The following COG5 variants were observed in gnomAD, a reference collection of about 807,000 sequenced individuals.
COG5 encodes the protein conserved oligomeric Golgi complex subunit 5.
COG5 carries 86 observed loss-of-function variants against 110.4 expected under a neutral mutation model. The observed-to-expected ratio is 0.78, with a 90% CI of 0.65 to 0.93. The LOEUF (loss-of-function observed/expected upper bound fraction) is 0.93, where lower values mean the gene tolerates loss of function less well. Ranked by LOEUF, COG5 falls within the 40% of genes least tolerant of loss-of-function variation. COG5 has a pLI of 0.00. For synonymous variants in COG5, 360 were observed against 334.6 expected, an observed-to-expected ratio of 1.08 and a Z score of -0.83; for missense variants, 1,077 against 987.0, an observed-to-expected ratio of 1.09 and a Z score of -1.22.
At chr7:107,244,208 C>T (rs568203004) in intron 17 of COG5, among the ~76,000 whole-genome samples, 8 of 152,172 alleles carry the variant, frequency 5.3e-5, no homozygotes, top group South Asian at 2.1e-4. Flanking sequence ...GCCAAGATCA[C>T]GCCACTGCAC....
chr7:107,356,069 TA>T (rs1486037060), intron 10 of COG5, among the ~76,000 whole-genome samples: 2 of 152,196 alleles, frequency 1.3e-5, no homozygotes, highest in African/African-American at 4.8e-5. Context: ...AAATCAAAAT[TA>T]ATTTTAAAAC....
At chr7:107,461,387 T>A (rs1795981942) in intron 6 of COG5, among the ~76,000 whole-genome samples, 1 of 152,052 alleles carries the variant, frequency 6.6e-6, no homozygotes, top group African/African-American at 2.4e-5. Flanking sequence ...TAATATGCAT[T>A]CCTGATAAAA....
At chr7:107,312,644 A>G (rs1808374913) in intron 11 of COG5, among the ~76,000 whole-genome samples, 1 of 152,210 alleles carries the variant, frequency 6.6e-6, no homozygotes. Context: ...TCAACAATTC[A>G]GGCTTAAGTA....
intron 6 of COG5, among the ~76,000 whole-genome samples, chr7:107,434,591 ATAAAT>A (rs1379863565): frequency 2.6e-5 from 4 of 152,218 alleles, no homozygotes; most frequent in Admixed American, 6.5e-5. Flanking sequence ...GAAATAAAAA[ATAAAT>A]TAAGAGATAA....
chr7:107,356,285 T>C (rs531848317), intron 10 of COG5, among the ~76,000 whole-genome samples: 3 of 152,346 alleles, frequency 2.0e-5, no homozygotes, highest in South Asian at 2.1e-4. Flanking sequence ...GGAAAATATA[T>C]TCTTAATTTT....
rs1563029986 is a variant in COG5, at chr7:107,430,079, T to C, written c.539-17447A>G. Among the ~76,000 whole-genome samples the C allele has an allele frequency of 2.0e-5, 3 of 152,238 alleles. No individual in the cohort carries two copies. The South Asian group carries it at 6.2e-4, about 32-fold the overall frequency. ...GATTGTCTTTTCACTTTCTTGATAATGTCCTTTAATGTGCAAAAGTTTTAA... is the reference window on the plus strand; with the variant it reads ...GATTGTCTTTTCACTTTCTTGATAACGTCCTTTAATGTGCAAAAGTTTTAA... On this transcript the variant is annotated intron_variant, in intron 6 of 21. Transcript: ENST00000297135.
intron 6 of COG5, among the ~76,000 whole-genome samples, chr7:107,499,700 G>A (rs891913565): frequency 6.6e-6 from 1 of 152,088 alleles, no homozygotes; most frequent in African/African-American, 2.4e-5. Context: ...ACCATGCCTA[G>A]CCTGAAATTT....
At chr7:107,336,740 T>C (rs1000825845) in intron 10 of COG5, among the ~76,000 whole-genome samples, 2 of 152,172 alleles carry the variant, frequency 1.3e-5, no homozygotes, top group African/African-American at 2.4e-5. Flanking sequence ...GGTTTTTGAA[T>C]TGTAATTTTA....
At chr7:107,552,806 C>A (rs1189104149) in intron 3 of COG5, among the ~76,000 whole-genome samples, 1 of 152,158 alleles carries the variant, frequency 6.6e-6, no homozygotes, top group Non-Finnish European at 1.5e-5. Flanking sequence ...CATAAAGACA[C>A]ATGCACTTGT....
chr7:107,241,430 A>ATC (rs944935742), intron 17 of COG5, among the ~76,000 whole-genome samples: 121 of 145,076 alleles, frequency 8.3e-4, no homozygotes, highest in Non-Finnish European at 1.4e-3. Flanking sequence ...CTATCTATCT[A>ATC]TATATATATA....
At chr7:107,519,538 A>C (rs1228382353) in intron 6 of COG5, among the ~76,000 whole-genome samples, 2 of 152,170 alleles carry the variant, frequency 1.3e-5, no homozygotes, top group Admixed American at 6.5e-5. Flanking sequence ...TGAACTAGAA[A>C]ATCTAGAAGA....
chr7:107,203,413 C>G lies in COG5; in HGVS notation c.*103G>C, dbSNP rs542357355. The G allele has an allele frequency of 3.7e-6, 3 of 802,496 alleles. No individual in the cohort carries two copies. In the East Asian group the frequency reaches 7.6e-5, roughly 20 times the overall value. The allele number at this position is 802,496 out of a possible 1,614,324, so 49.7% of individuals were successfully genotyped here. ...ATAGGAAATACCGAACAATCAATTA[C>G]ATTCTTAAAATAGTAGATAGTAGCA... On this transcript the variant is annotated 3_prime_UTR_variant, in exon 22 of 22. Transcript: ENST00000297135.
chr7:107,265,042 C>G (rs1181326919), intron 14 of COG5, among the ~76,000 whole-genome samples: 2 of 151,974 alleles, frequency 1.3e-5, no homozygotes, highest in Non-Finnish European at 2.9e-5. Context: ...CTGTGGAATT[C>G]CATAAAGTAT....
At chr7:107,329,704 C>G (rs554179204) in intron 10 of COG5, among the ~76,000 whole-genome samples, 23 of 150,830 alleles carry the variant, frequency 1.5e-4, no homozygotes, top group Admixed American at 9.2e-4. Flanking sequence ...CCATCCTTGG[C>G]AACAGCGAGA....
chr7:107,220,845 T>C (rs978557484), intron 19 of COG5, among the ~76,000 whole-genome samples: 22 of 145,558 alleles, frequency 1.5e-4, no homozygotes, highest in Non-Finnish European at 3.1e-4. Context: ...TTTGAGGCAG[T>C]CTCGCTTTGT....
At chr7:107,526,861 C>T (rs1482388448) in intron 6 of COG5, among the ~76,000 whole-genome samples, 4 of 152,116 alleles carry the variant, frequency 2.6e-5, no homozygotes, top group African/African-American at 9.7e-5. Flanking sequence ...GAGAAAAGAT[C>T]AGTGGCTGTC....
At chr7:107,536,651 T>C (rs927650806) in intron 5 of COG5, among the ~76,000 whole-genome samples, 12 of 152,292 alleles carry the variant, frequency 7.9e-5, no homozygotes, top group South Asian at 4.1e-4. Context: ...TGCTCATGGA[T>C]AGGAAGAATC....
chr7:107,439,484 C>T (rs1412309299), intron 6 of COG5, among the ~76,000 whole-genome samples: 1 of 151,958 alleles, frequency 6.6e-6, no homozygotes, highest in Non-Finnish European at 1.5e-5. Context: ...TCTGCTGCTA[C>T]TTTAATGTAT....
chr7:107,441,241 G>A (rs1296248458), intron 6 of COG5, among the ~76,000 whole-genome samples: 1 of 127,268 alleles, frequency 7.9e-6, no homozygotes, highest in Non-Finnish European at 1.6e-5. Context: ...GGGCAACAGA[G>A]TGAGACTCCG....
Sources: allele counts gnomAD v4.1 joint callset (sites outside exome capture counted in the v4.1 genomes callset), GRCh38; gene constraint gnomAD v4.1.1; transcripts MANE v1.5; gene names NCBI Gene and HGNC (gene_info 2026-07-23, HGNC 2026-07-21).